ANKFN1: variants seen among roughly 807,000 people sequenced by gnomAD.
The protein encoded by ANKFN1 is ankyrin repeat and fibronectin type-III domain-containing protein 1.
A neutral mutation model predicts 108.7 loss-of-function variants in ANKFN1; 74 were observed. The observed-to-expected ratio is 0.68, with a 90% CI of 0.56 to 0.83. ANKFN1 has a LOEUF of 0.83. Among genes scored for constraint, ANKFN1 ranks in the 40% least tolerant of loss-of-function variants. The probability of loss-of-function intolerance (pLI) is 0.00; values close to 1 mark genes in which losing one functional copy is unlikely to be tolerated. For missense variants in ANKFN1, 1,505 were observed against 1,382.3 expected (o/e 1.09, Z -1.41); for synonymous variants, 547 against 516.2 (o/e 1.06, Z -0.81).
rs143695527 is a variant in ANKFN1, at chr17:56,179,099, G to C, written c.-71+25569G>C. Reference sequence around the variant, plus strand: ...CCTTAAAATTGGTTATCAGTTTTTTGAGGGTGGTGAGATGTCATTCACCCT... The same window carrying C: ...CCTTAAAATTGGTTATCAGTTTTTTCAGGGTGGTGAGATGTCATTCACCCT... On this transcript the variant is annotated intron_variant, in intron 1 of 20. Coordinates refer to ENST00000682825, the MANE Select transcript of ANKFN1 (RefSeq NM_001370326.1). 1.7e-3 allele frequency among the ~76,000 whole-genome samples: 264 copies of C among 152,152 alleles called. 3 individuals are homozygous for C. Among genetic ancestry groups the C allele is most frequent in the African/African-American group, 6.1e-3 (254 of 41,506 alleles).
At chr17:56,193,811 A>C (rs1913240602) in intron 1 of ANKFN1, among the ~76,000 whole-genome samples, 1 of 152,276 alleles carries the variant, frequency 6.6e-6, no homozygotes, top group African/African-American at 2.4e-5. Flanking sequence ...TCTGCTCTGC[A>C]AAAGATACTG....
At chr17:56,392,442 G>T (rs761515428) in intron 8 of ANKFN1, among the ~76,000 whole-genome samples, 7 of 152,168 alleles carry the variant, frequency 4.6e-5, no homozygotes, top group Non-Finnish European at 1.0e-4. Flanking sequence ...CCCTTAGAGG[G>T]CATCTCCAGC....
At chr17:56,327,867 A>G (rs944858958) in intron 4 of ANKFN1, among the ~76,000 whole-genome samples, 2 of 152,160 alleles carry the variant, frequency 1.3e-5, no homozygotes, top group African/African-American at 4.8e-5. Context: ...ATTCAAGATC[A>G]TTGTTCATGT....
At chr17:56,491,889 C>T (rs2051051621) in intron 18 of ANKFN1, among the ~76,000 whole-genome samples, 1 of 151,864 alleles carries the variant, frequency 6.6e-6, no homozygotes, top group Non-Finnish European at 1.5e-5. Flanking sequence ...TGTGTGTGTA[C>T]ACACACACAC....
intron 1 of ANKFN1, among the ~76,000 whole-genome samples, chr17:56,205,010 A>C (rs962825032): frequency 5.3e-5 from 8 of 152,204 alleles, no homozygotes; most frequent in African/African-American, 1.9e-4. Flanking sequence ...CGGGAGGCGG[A>C]GCTAGCAGTG....
At chr17:56,172,914 C>T (rs950257840) in intron 1 of ANKFN1, among the ~76,000 whole-genome samples, 5 of 152,122 alleles carry the variant, frequency 3.3e-5, no homozygotes, top group Non-Finnish European at 5.9e-5. Context: ...CATCTGTTGT[C>T]GGCACTGCAC....
At chr17:56,424,910 A>G (rs770285511) in intron 8 of ANKFN1, among the ~76,000 whole-genome samples, 11 of 152,052 alleles carry the variant, frequency 7.2e-5, no homozygotes, top group African/African-American at 1.2e-4. Context: ...ACTCCAACCA[A>G]CTCTGAGGTT....
intron 3 of ANKFN1, among the ~76,000 whole-genome samples, chr17:56,249,202 A>G (rs2043181595): frequency 6.6e-6 from 1 of 152,174 alleles, no homozygotes; most frequent in African/African-American, 2.4e-5. Context: ...TGGGAGGCCG[A>G]GGTGGGCAGA....
At chr17:56,322,719 G>A (rs770926967) in intron 3 of ANKFN1, among the ~76,000 whole-genome samples, 4 of 152,112 alleles carry the variant, frequency 2.6e-5, no homozygotes, top group South Asian at 4.1e-4. Flanking sequence ...CAGTTCAAAC[G>A]CCACCTTCTC....
At chr17:56,501,466 T>C (rs973940787) in intron 20 of ANKFN1, among the ~76,000 whole-genome samples, 1 of 151,598 alleles carries the variant, frequency 6.6e-6, no homozygotes, top group Non-Finnish European at 1.5e-5. Context: ...CATGGTATCA[T>C]GATGGCACTT....
intron 4 of ANKFN1, among the ~76,000 whole-genome samples, chr17:56,093,117 T>G (rs1408518122): frequency 6.6e-6 from 1 of 151,390 alleles, no homozygotes; most frequent in Non-Finnish European, 1.5e-5. Context: ...TATCTCATGA[T>G]GTTCACAGTC....
upstream of ANKFN1, among the ~76,000 whole-genome samples, chr17:56,150,608 T>G (rs1401435049): frequency 6.6e-6 from 1 of 152,182 alleles, no homozygotes; most frequent in African/African-American, 2.4e-5. Flanking sequence ...TGAATTCTAA[T>G]TCCTTTCCCT....
At chr17:56,052,528 T>A (rs1444095637) in intron 4 of ANKFN1, among the ~76,000 whole-genome samples, 1 of 152,252 alleles carries the variant, frequency 6.6e-6, no homozygotes, top group Non-Finnish European at 1.5e-5. Flanking sequence ...TTCTAAATGA[T>A]AACACTTCTC....
intron 1 of ANKFN1, among the ~76,000 whole-genome samples, chr17:56,164,197 C>G (rs1909942057): frequency 6.6e-6 from 1 of 152,164 alleles, no homozygotes; most frequent in African/African-American, 2.4e-5. Context: ...ATCTGCTGCT[C>G]CCTTGGCCCA....
Position 56,298,688 on chromosome 17 carries a change from T to G in ANKFN1, c.54-27533T>G, listed in dbSNP as rs75284941. ...TAAGCACAATATTTCTTTATATATATAGAGAGAGAGAGATTAATATATTTT... is the reference window on the plus strand; with the variant it reads ...TAAGCACAATATTTCTTTATATATAGAGAGAGAGAGAGATTAATATATTTT... On this transcript the variant is annotated intron_variant, in intron 3 of 20. Transcript: ENST00000682825. Among the ~76,000 whole-genome samples, 582 of 152,112 alleles carry G rather than the reference T, an allele frequency of 3.8e-3. 2 individuals are homozygous for G. Among genetic ancestry groups the G allele is most frequent in the East Asian group, 7.9e-3 (41 of 5,158 alleles).
chr17:56,264,071 A>C lies in ANKFN1; in HGVS notation c.53+36114A>C, dbSNP rs149118079. ...ACAGTACTGTAGTCCCACTGAAGATAACATAGAGACCCAAGTTCCTATAGG... is the reference window on the plus strand; with the variant it reads ...ACAGTACTGTAGTCCCACTGAAGATCACATAGAGACCCAAGTTCCTATAGG... On this transcript the variant is annotated intron_variant, in intron 3 of 20. Transcript: ENST00000682825. Among the ~76,000 whole-genome samples the C allele has an allele frequency of 4.6e-5, 7 of 152,320 alleles. No homozygotes were observed. The East Asian group carries it at 1.4e-3, about 29-fold the overall frequency.
At chr17:56,356,222 C>T (rs1216125325) in intron 6 of ANKFN1, among the ~76,000 whole-genome samples, 2 of 152,132 alleles carry the variant, frequency 1.3e-5, no homozygotes, top group South Asian at 2.1e-4. Flanking sequence ...CATGTATTGA[C>T]TCCTTTAATC....
At chr17:56,343,848 C>T (rs1401686363) in intron 4 of ANKFN1, among the ~76,000 whole-genome samples, 1 of 151,884 alleles carries the variant, frequency 6.6e-6, no homozygotes, top group Non-Finnish European at 1.5e-5. Flanking sequence ...CTCAAATCTG[C>T]TGTTGAGTAT....
intron 3 of ANKFN1, among the ~76,000 whole-genome samples, chr17:56,277,518 A>G (rs1056343557): frequency 1.3e-5 from 2 of 152,098 alleles, no homozygotes; most frequent in Non-Finnish European, 2.9e-5. Context: ...CCTCATGTAC[A>G]TTTTCTTATA....
Sources: allele counts gnomAD v4.1 joint callset (sites outside exome capture counted in the v4.1 genomes callset), GRCh38; gene constraint gnomAD v4.1.1; transcripts MANE v1.5; gene names NCBI Gene and HGNC (gene_info 2026-07-23, HGNC 2026-07-21).